The following SLC35F3 variants were observed in gnomAD, a reference collection of about 807,000 sequenced individuals.
SLC35F3 encodes the protein putative thiamine transporter SLC35F3.
Under a neutral mutation model 49.9 loss-of-function variants are expected in SLC35F3, and 25 were observed. That is an observed-to-expected ratio of 0.50 (90% CI 0.37 to 0.70). The LOEUF is 0.70. Ranked by LOEUF, SLC35F3 falls within the 30% of genes least tolerant of loss-of-function variation. SLC35F3 has a pLI of 0.00. For synonymous variants in SLC35F3, 275 were observed against 265.4 expected, an observed-to-expected ratio of 1.04 and a Z score of -0.35; for missense variants, 525 against 639.8, an observed-to-expected ratio of 0.82 and a Z score of 1.94.
chr1:234,140,605 A>T (rs7554318), intron 2 of SLC35F3, among the ~76,000 whole-genome samples: 114,466 of 151,548 alleles, frequency 0.76, 43,747 homozygotes, highest in African/African-American at 0.89. Flanking sequence ...TCCCCATTCA[A>T]TCTAGACGCT....
chr1:233,941,838 G>A (rs952098229), intron 2 of SLC35F3, among the ~76,000 whole-genome samples: 3 of 151,900 alleles, frequency 2.0e-5, no homozygotes, highest in Non-Finnish European at 2.9e-5. Flanking sequence ...CCCATTTAAT[G>A]TACACTATCT....
intron 2 of SLC35F3, among the ~76,000 whole-genome samples, chr1:234,059,216 A>C (rs1361664141): frequency 1.3e-5 from 2 of 148,912 alleles, no homozygotes; most frequent in African/African-American, 5.0e-5. Flanking sequence ...CTTATTTTTT[A>C]GGTTTGGTTC....
chr1:234,321,381 T>A (rs1657616670), intron 7 of SLC35F3, among the ~76,000 whole-genome samples: 1 of 152,234 alleles, frequency 6.6e-6, no homozygotes, highest in Admixed American at 6.5e-5. Context: ...CCCTTGCTAC[T>A]TCGGTTGATG....
At chr1:234,160,924 C>T (rs1384595417) in intron 2 of SLC35F3, among the ~76,000 whole-genome samples, 1 of 152,106 alleles carries the variant, frequency 6.6e-6, no homozygotes, top group Non-Finnish European at 1.5e-5. Flanking sequence ...TCTTTGTCAA[C>T]AATGCCATGT....
At chr1:234,322,181 G>A (rs1657636892) in intron 7 of SLC35F3, among the ~76,000 whole-genome samples, 1 of 146,390 alleles carries the variant, frequency 6.8e-6, no homozygotes, top group South Asian at 2.2e-4. Flanking sequence ...GTGACAGAGT[G>A]AGACCCTGTC....
intron 5 of SLC35F3, among the ~76,000 whole-genome samples, chr1:234,318,047 A>T (rs1657531099): frequency 6.6e-6 from 1 of 152,220 alleles, no homozygotes; most frequent in African/African-American, 2.4e-5. Flanking sequence ...TGAACCAAGG[A>T]GAAAGCAGGA....
At chr1:234,007,462 G>C (rs1409675936) in intron 2 of SLC35F3, among the ~76,000 whole-genome samples, 1 of 152,226 alleles carries the variant, frequency 6.6e-6, no homozygotes, top group Non-Finnish European at 1.5e-5. Flanking sequence ...GGCTGCAGCA[G>C]AATGAGGGAG....
intron 2 of SLC35F3, among the ~76,000 whole-genome samples, chr1:234,211,842 T>G (rs1400657975): frequency 1.3e-5 from 2 of 152,086 alleles, no homozygotes; most frequent in Non-Finnish European, 2.9e-5. Flanking sequence ...TTTTGAAATA[T>G]GAGGATATGA....
At chr1:234,096,408 G>A (rs1332993318) in intron 2 of SLC35F3, among the ~76,000 whole-genome samples, 2 of 152,144 alleles carry the variant, frequency 1.3e-5, no homozygotes, top group Admixed American at 6.6e-5. Context: ...TGTAGCTCTG[G>A]CCAACCCATG....
At chr1:234,288,067 G>A (rs1668451496) in intron 3 of SLC35F3, among the ~76,000 whole-genome samples, 1 of 151,858 alleles carries the variant, frequency 6.6e-6, no homozygotes, top group Non-Finnish European at 1.5e-5. Context: ...TGTATTTTTT[G>A]TGGAGACTGG....
At chr1:234,289,666 A>G (rs1473634251) in intron 3 of SLC35F3, among the ~76,000 whole-genome samples, 2 of 152,238 alleles carry the variant, frequency 1.3e-5, no homozygotes, top group African/African-American at 2.4e-5. Flanking sequence ...AAACAGAACC[A>G]AAACTGTGAG....
intron 2 of SLC35F3, among the ~76,000 whole-genome samples, chr1:233,918,816 CTATATATATA>C (rs35271968): frequency 1.4e-5 from 2 of 140,418 alleles, no homozygotes; most frequent in Non-Finnish European, 3.0e-5. Flanking sequence ...CTCTCTCTCT[CTATATATATA>C]TATATATATT....
rs997041567 is a variant in SLC35F3, at chr1:234,272,821, G to T, written c.609-36280G>T. ...TCTTGGTGGGTGGCTGCCTGCCCCTGTTTGTTGTTCTCTTGCCTGGCTGCT... is the reference window on the plus strand; with the variant it reads ...TCTTGGTGGGTGGCTGCCTGCCCCTTTTTGTTGTTCTCTTGCCTGGCTGCT... On this transcript the variant is annotated intron_variant, in intron 3 of 7. Transcript: ENST00000366618. Among the ~76,000 whole-genome samples the T allele has an allele frequency of 3.3e-5, 5 of 152,214 alleles. No homozygotes were observed. In the East Asian group the frequency reaches 9.7e-4, roughly 29 times the overall value.
intron 2 of SLC35F3, among the ~76,000 whole-genome samples, chr1:234,055,987 T>G (rs1572034835): frequency 6.6e-6 from 1 of 152,218 alleles, no homozygotes; most frequent in Non-Finnish European, 1.5e-5. Context: ...TTTACCATAT[T>G]GACAATTATA....
intron 3 of SLC35F3, among the ~76,000 whole-genome samples, chr1:234,283,834 G>C (rs77217689): frequency 0.022 from 3,417 of 152,282 alleles, 101 homozygotes; most frequent in African/African-American, 0.067. Flanking sequence ...AATTATCATA[G>C]TAAAGAGCAT....
intron 2 of SLC35F3, among the ~76,000 whole-genome samples, chr1:234,085,990 TTG>T (rs1283952371): frequency 6.6e-6 from 1 of 152,222 alleles, no homozygotes; most frequent in African/African-American, 2.4e-5. Context: ...ATCAGTAATA[TTG>T]TGTGTTTTCA....
chr1:234,090,397 T>C (rs1194121606), intron 2 of SLC35F3, among the ~76,000 whole-genome samples: 1 of 152,234 alleles, frequency 6.6e-6, no homozygotes, highest in African/African-American at 2.4e-5. Flanking sequence ...AGTGAGCCAA[T>C]CACTGCAGCA....
At chr1:234,205,340 G>T (rs898912977) in intron 2 of SLC35F3, among the ~76,000 whole-genome samples, 1 of 152,138 alleles carries the variant, frequency 6.6e-6, no homozygotes. Flanking sequence ...GGCTTCTTTC[G>T]GTGAGGTGGT....
intron 2 of SLC35F3, among the ~76,000 whole-genome samples, chr1:234,033,417 T>A (rs1572026669): frequency 6.6e-6 from 1 of 152,328 alleles, no homozygotes; most frequent in Middle Eastern, 3.4e-3. Context: ...TTCCTGGTAA[T>A]GAATTCTTTG....
Sources: gnomAD v4.1 joint callset for allele counts (sites outside exome capture counted in the v4.1 genomes callset) on GRCh38, gnomAD v4.1.1 for gene constraint, MANE v1.5 for transcripts, NCBI Gene and HGNC (gene_info 2026-07-23, HGNC 2026-07-21) for gene names.